The following LNX1 variants were observed in gnomAD, a reference collection of about 807,000 sequenced individuals.
LNX1 encodes the protein ligand of numb-protein X 1, also known as E3 ubiquitin-protein ligase LNX.
LNX1 carries 54 observed loss-of-function variants against 68.4 expected under a neutral mutation model. The ratio of observed to expected loss-of-function variants is 0.79; its 90% CI spans 0.63 to 0.99. The LOEUF (loss-of-function observed/expected upper bound fraction) is 0.99, where lower values mean the gene tolerates loss of function less well. Ranked by LOEUF, LNX1 falls within the 50% of genes least tolerant of loss-of-function variation. The pLI, the probability that LNX1 is intolerant of heterozygous loss-of-function variation, is 0.00. For missense variants in LNX1, 906 were observed against 926.4 expected (o/e 0.98, Z 0.29); for synonymous variants, 336 against 350.0 (o/e 0.96, Z 0.45).
chr4:53,642,245 A>G (rs1043519598), intron 1 of LNX1, among the ~76,000 whole-genome samples: 3 of 148,762 alleles, frequency 2.0e-5, no homozygotes, highest in East Asian at 1.9e-4. Context: ...AAAAAAAAAA[A>G]GGTCAAAGCA....
Position 53,496,339 on chromosome 4 carries a change from C to A in LNX1, c.1034G>T (p.Arg345Leu), listed in dbSNP as rs147629162. The change falls in exon 6 of 11, where the codon CGG becomes CTG. Residue 345 changes from arginine to leucine, a missense_variant. By Grantham distance (102) the Arg-to-Leu change is moderately radical. Coordinates refer to ENST00000263925, the MANE Select transcript of LNX1 (RefSeq NM_001126328.3). ...VPHNYAVRLL[R>L]QPCQVLWLTV... ...CAGCCACAGCACCTGGCAGGGCTGC[C>A]GCAGGAGACGCACAGCGTAGTTGTG... is the stretch of plus-strand genomic sequence containing the variant. 208 of 1,614,122 alleles carry A rather than the reference C, an allele frequency of 1.3e-4. 3 individuals are homozygous for A. The South Asian group carries it at 2.1e-3, about 16-fold the overall frequency.
chr4:53,599,967 C>A (rs939028147), intron 2 of LNX1, among the ~76,000 whole-genome samples: 6 of 152,174 alleles, frequency 3.9e-5, no homozygotes, highest in Admixed American at 2.0e-4. Context: ...CAGCAGGTGA[C>A]AGTAACATCT....
intron 2 of LNX1, among the ~76,000 whole-genome samples, chr4:53,526,107 A>G (rs1369100878): frequency 8.4e-5 from 1 of 11,856 alleles, no homozygotes; most frequent in African/African-American, 9.2e-5. Flanking sequence ...CTTTCTAGAA[A>G]AGAAAAAATA....
At chr4:53,540,565 C>T (rs1728684457) in intron 2 of LNX1, among the ~76,000 whole-genome samples, 1 of 151,840 alleles carries the variant, frequency 6.6e-6, no homozygotes, top group Admixed American at 6.6e-5. Flanking sequence ...GCCTGTAATC[C>T]CAGCTACTCG....
At chr4:53,557,900 G>A (rs1468370408) in intron 2 of LNX1, 7 of 1,613,434 alleles carry the variant, frequency 4.3e-6, no homozygotes. Flanking sequence ...AGTGCAGGTT[G>A]CCCACATTGT....
At chr4:53,575,906 G>A (rs1355034127) in intron 1 of LNX1, 42 of 1,573,242 alleles carry the variant, frequency 2.7e-5, no homozygotes, top group Admixed American at 5.4e-5. Context: ...GAGGACTGCC[G>A]AGAGGCTGTG....
chr4:53,614,716 C>T (rs762898352), intron 2 of LNX1, among the ~76,000 whole-genome samples: 9 of 152,162 alleles, frequency 5.9e-5, no homozygotes, highest in South Asian at 2.1e-4. Context: ...GGTCAGCCTA[C>T]GCTGTTTATG....
At chr4:53,530,158 G>C (rs560447507) in intron 2 of LNX1, among the ~76,000 whole-genome samples, 1 of 152,330 alleles carries the variant, frequency 6.6e-6, no homozygotes, top group Non-Finnish European at 1.5e-5. Flanking sequence ...TTGTGTTAGA[G>C]CAATTTGGTT....
chr4:53,638,412 C>G (rs186025953), intron 1 of LNX1, among the ~76,000 whole-genome samples: 1 of 152,098 alleles, frequency 6.6e-6, no homozygotes, highest in Admixed American at 6.6e-5. Flanking sequence ...GAATTGTAAC[C>G]CCAAACTCAA....
chr4:53,608,378 G>A (rs1733315604), intron 2 of LNX1, among the ~76,000 whole-genome samples: 1 of 152,138 alleles, frequency 6.6e-6, no homozygotes, highest in East Asian at 1.9e-4. Context: ...CAACATCACT[G>A]ATTACAGAGA....
intron 1 of LNX1, chr4:53,575,841 A>G (rs1731449260): frequency 1.3e-6 from 2 of 1,589,906 alleles, no homozygotes; most frequent in African/African-American, 2.7e-5. Context: ...TAGGGGACCT[A>G]AACAGGAGCA....
chr4:53,648,978 T>C (rs1391736808), intron 1 of LNX1, among the ~76,000 whole-genome samples: 2 of 152,152 alleles, frequency 1.3e-5, no homozygotes, highest in Non-Finnish European at 2.9e-5. Context: ...AGAGGAGGTC[T>C]CCTTAGCATG....
Position 53,460,654 on chromosome 4 carries a change from T to TTGAA in LNX1, c.*249_*252dup, listed in dbSNP as rs2150538064. The stretch of plus-strand genomic sequence containing the variant: ...ATTTTAGTTGTTTTAGGGCTTTTTA[T>TTGAA]TGAATAGAAAAAATATAAACAATGT... On this transcript the variant is annotated 3_prime_UTR_variant, in exon 11 of 11. Transcript: ENST00000263925. 1 of 373,568 alleles carries TTGAA rather than the reference T, an allele frequency of 2.7e-6. No individual in the cohort carries two copies. Among genetic ancestry groups the TTGAA allele is most frequent in the Non-Finnish European group, 4.7e-6 (1 of 212,066 alleles). 23.1% of individuals were successfully genotyped at this position (373,568 alleles called of 1,614,324 possible). A position where few individuals can be genotyped will look rare whatever the true frequency, so the allele number is the denominator to read the frequency against.
intron 6 of LNX1, among the ~76,000 whole-genome samples, chr4:53,485,185 A>G (rs1724202336): frequency 6.6e-6 from 1 of 152,176 alleles, no homozygotes. Context: ...CTAAAGCAAA[A>G]CTTACTAAAA....
At chr4:53,527,344 T>C (rs1727691597) in intron 2 of LNX1, among the ~76,000 whole-genome samples, 1 of 152,234 alleles carries the variant, frequency 6.6e-6, no homozygotes, top group Non-Finnish European at 1.5e-5. Flanking sequence ...GGAATTTATA[T>C]ACTTAGATGT....
chr4:53,471,525 G>A (rs371312672), intron 9 of LNX1, among the ~76,000 whole-genome samples: 2,511 of 152,180 alleles, frequency 0.017, 18 homozygotes, highest in Non-Finnish European at 0.021. Flanking sequence ...TCTGCACAGC[G>A]AAAGAAACTA....
intron 9 of LNX1, among the ~76,000 whole-genome samples, chr4:53,475,709 C>G (rs1348951923): frequency 6.6e-6 from 1 of 152,192 alleles, no homozygotes; most frequent in Non-Finnish European, 1.5e-5. Context: ...TGCAGGTGAG[C>G]AAACACCAAC....
chr4:53,510,012 A>G (rs1481310659), intron 2 of LNX1, among the ~76,000 whole-genome samples: 1 of 152,272 alleles, frequency 6.6e-6, no homozygotes, highest in African/African-American at 2.4e-5. Flanking sequence ...GATGAAGTAC[A>G]TATTCATTGT....
chr4:53,648,567 CT>C (rs1450439221), intron 1 of LNX1, among the ~76,000 whole-genome samples: 1 of 152,108 alleles, frequency 6.6e-6, no homozygotes, highest in Non-Finnish European at 1.5e-5. Context: ...TCTTTTTACT[CT>C]GTTGTTTGTG....
Sources: allele counts gnomAD v4.1 joint callset (sites outside exome capture counted in the v4.1 genomes callset), GRCh38; gene constraint gnomAD v4.1.1; transcripts MANE v1.5; gene names NCBI Gene and HGNC (gene_info 2026-07-23, HGNC 2026-07-21).